The following KLHL17 variants were observed in gnomAD, a reference collection of about 807,000 sequenced individuals.
KLHL17 encodes kelch-like protein 17.
A neutral mutation model predicts 64.6 loss-of-function variants in KLHL17; 71 were observed. That is an observed-to-expected ratio of 1.10 (90% CI 0.91 to 1.34). KLHL17 has a LOEUF of 1.34. Ranked by LOEUF, KLHL17 falls within the 40% of genes most tolerant of loss-of-function variation. The pLI is 0.00. For synonymous variants in KLHL17, 612 were observed against 405.4 expected (o/e 1.51, Z -6.12); for missense variants, 1,140 against 935.0 (o/e 1.22, Z -2.86).
At chr1:961,790 C>T (rs374306425) in intron 3 of KLHL17, 36 bp from the exon 4 acceptor site, 1 of 1,611,434 alleles carries the variant, frequency 6.2e-7, no homozygotes. Context: ...TCCCCCGACC[C>T]TGTGCCTCCC....
At chr1:961,206 C>T (rs1642627925) in intron 1 of KLHL17, 87 bp from the exon 2 acceptor site, 3 of 1,018,276 alleles carry the variant, frequency 2.9e-6, no homozygotes, top group South Asian at 4.8e-5. Flanking sequence ...GGGGCTGGGT[C>T]CCCGCGGGCT....
chr1:962,974 A>T, intron 6 of KLHL17, 57 bp downstream of exon 6: 1 of 1,515,166 alleles, frequency 6.6e-7, no homozygotes, highest in East Asian at 2.4e-5. Context: ...CCACCAGCAC[A>T]AGCCCACCCC....
At chr1:962,498 A>G (rs775020182) in intron 5 of KLHL17, 27 bp downstream of exon 5, 28 of 1,610,208 alleles carry the variant, frequency 1.7e-5, no homozygotes, top group Non-Finnish European at 2.1e-5. Context: ...GGGGGCTCCC[A>G]CAGCATCCAG....
At chr1:962,663 C>T (rs764880326) in intron 5 of KLHL17, 41 bp from the exon 6 acceptor site, 18 of 1,547,948 alleles carry the variant, frequency 1.2e-5, no homozygotes, top group South Asian at 2.4e-5. Context: ...GCCCAGTGTG[C>T]CCGAGGGTCC....
In KLHL17 at chr1:962,666, G is replaced by A. The variant is rs375789802; in HGVS notation, c.829-38G>A. On this transcript the variant is annotated intron_variant, in intron 5 of 11. Transcript: ENST00000338591. Reference sequence around the variant, plus strand: ...CTCAGCCCTGACGCCCAGTGTGCCCGAGGGTCCCGCCTGACCTTGGCGTTC... The same window carrying A: ...CTCAGCCCTGACGCCCAGTGTGCCCAAGGGTCCCGCCTGACCTTGGCGTTC... 2.3e-4 allele frequency: 351 copies of A among 1,551,298 alleles called. 2 individuals are homozygous for A. The highest frequency in any genetic ancestry group is 2.8e-4 in the Non-Finnish European group (324 of 1,152,962).
rs751200941 is a variant in KLHL17 at position 963,422 on chromosome 1, A to C, written c.1273A>C (p.Arg425=). The change falls in exon 8 of 12, where the codon AGG becomes CGG. Residue 425 remains arginine, a synonymous_variant. Transcript: ENST00000338591. The part of the protein sequence containing the change: ...TWQPEVSMGT[R]RSCLGVAALH... Reference sequence around the variant, plus strand: ...GCAGCCGGAGGTGTCCATGGGCACAAGGCGAAGCTGCCTGGGTGTGGCCGC... The same window carrying C: ...GCAGCCGGAGGTGTCCATGGGCACACGGCGAAGCTGCCTGGGTGTGGCCGC... 1.1e-5 allele frequency: 17 copies of C among 1,612,622 alleles called. No individual in the cohort carries two copies. The highest frequency in any genetic ancestry group is 1.2e-5 in the Non-Finnish European group (14 of 1,179,856).
At chr1:962,983 C>T (rs751671902) in intron 6 of KLHL17, 66 bp downstream of exon 6, 12 of 1,512,070 alleles carry the variant, frequency 7.9e-6, no homozygotes, top group Non-Finnish European at 1.1e-5. Flanking sequence ...CAAGCCCACC[C>T]CACCTGTGCC....
In KLHL17 at chr1:961,554, C is replaced by T. The variant is rs750904186; in HGVS notation, c.367+2C>T. 17 of 1,612,568 alleles carry T rather than the reference C, an allele frequency of 1.1e-5. No individual in the cohort carries two copies. Among genetic ancestry groups the T allele is most frequent in the Non-Finnish European group, 1.4e-5 (16 of 1,179,982 alleles). On this transcript the variant is annotated splice_donor_variant, in intron 2 of 11. Coordinates refer to ENST00000338591, the MANE Select transcript of KLHL17 (RefSeq NM_198317.3). LOFTEE classifies it low-confidence loss of function (GC_TO_GT_DONOR). Reference sequence around the variant, plus strand: ...CCTACTTCCACGCCATGTTCACAAGCAAGTACCCGCCTGGGCGGCGCTGGG... The same window carrying T: ...CCTACTTCCACGCCATGTTCACAAGTAAGTACCCGCCTGGGCGGCGCTGGG...
Position 960,618 on chromosome 1 carries a change from G to T in KLHL17, c.-76G>T. 8.3e-7 allele frequency: 1 copy of T among 1,211,178 alleles called. No individual in the cohort carries two copies. The highest frequency in any genetic ancestry group is 2.0e-5 in the South Asian group (1 of 50,798). 75.0% of individuals were successfully genotyped at this position (1,211,178 alleles called of 1,614,324 possible). A position where few individuals can be genotyped will look rare whatever the true frequency, so the allele number is the denominator to read the frequency against. ...CGACACAGAGCGGGCCGCCACCGCC[G>T]AGCAGCCCTCCGGCAGTCTCCGCGT... On this transcript the variant is annotated 5_prime_UTR_variant, in exon 1 of 12. Transcript: ENST00000338591.
rs776019287 is a variant in KLHL17, at chr1:963,425, C to T, written c.1276C>T (p.Arg426Ter). 5.6e-6 allele frequency: 9 copies of T among 1,612,656 alleles called. No individual in the cohort carries two copies. The highest frequency in any genetic ancestry group is 6.8e-6 in the Non-Finnish European group (8 of 1,179,868). ...GCCGGAGGTGTCCATGGGCACAAGGCGAAGCTGCCTGGGTGTGGCCGCCTT... is the reference window on the plus strand; with the variant it reads ...GCCGGAGGTGTCCATGGGCACAAGGTGAAGCTGCCTGGGTGTGGCCGCCTT... ...WQPEVSMGTR[R>*]SCLGVAALHG... is the part of the protein sequence containing the mutation. Residue 426 changes from arginine (R) to a stop codon, truncating the protein, a stop_gained, in exon 8 of 12, where the codon CGA becomes TGA. Coordinates refer to ENST00000338591, the MANE Select transcript of KLHL17 (RefSeq NM_198317.3). LOFTEE classifies it high-confidence loss of function.
rs1642925448 is a variant in KLHL17, at chr1:965,674, C to G, written c.*483C>G. Reference sequence around the variant, plus strand: ...CACACGCGTGCACTGGGACCCCACACAGCAATACGAGTCCAACTTAATAAA... The same window carrying G: ...CACACGCGTGCACTGGGACCCCACAGAGCAATACGAGTCCAACTTAATAAA... On this transcript the variant is annotated 3_prime_UTR_variant, in exon 12 of 12. Transcript: ENST00000338591. The G allele has an allele frequency of 6.1e-6, 1 of 165,276 alleles. No homozygotes were observed. Among genetic ancestry groups the G allele is most frequent in the Non-Finnish European group, 1.3e-5 (1 of 76,892 alleles). 10.2% of individuals were successfully genotyped at this position (165,276 alleles called of 1,614,324 possible).
chr1:964,334 C>T lies in KLHL17; in HGVS notation c.1519-15C>T, dbSNP rs922260000. ...CAGTGGCGGGTCTGCGTCCAGCCCA[C>T]GCCCTCGCCCCCAGGTGAACGTGTG... On this transcript the variant is annotated splice_polypyrimidine_tract_variant and intron_variant, in intron 10 of 11. Transcript: ENST00000338591. The T allele has an allele frequency of 1.2e-5, 18 of 1,551,660 alleles. No homozygotes were observed. The highest frequency in any genetic ancestry group is 2.4e-5 in the East Asian group (1 of 41,168).
chr1:965,416 C>T lies in KLHL17; in HGVS notation c.*225C>T, dbSNP rs1642909920. The T allele has an allele frequency of 1.6e-5, 9 of 558,002 alleles. No individual in the cohort carries two copies. The South Asian group carries it at 2.1e-4, about 13-fold the overall frequency. The allele number at this position is 558,002 out of a possible 1,614,324, so 34.6% of individuals were successfully genotyped here. On this transcript the variant is annotated 3_prime_UTR_variant, in exon 12 of 12. Coordinates refer to ENST00000338591, the MANE Select transcript of KLHL17 (RefSeq NM_198317.3). ...CTGGTCCTCCTGCGTGTCCTCCCCT[C>T]CACTGCCTGCATGGGGGGCGCGGGG...
chr1:961,439 T>C lies in KLHL17; in HGVS notation c.254T>C (p.Met85Thr). The C allele has an allele frequency of 2.5e-6, 4 of 1,612,196 alleles. No homozygotes were observed. Among genetic ancestry groups the C allele is most frequent in the Non-Finnish European group, 3.4e-6 (4 of 1,179,784 alleles). The change falls in exon 2 of 12, where the codon ATG becomes ACG. Residue 85 changes from methionine to threonine, a missense_variant. Met to Thr is a moderately conservative substitution (Grantham distance 81). Transcript: ENST00000338591. ...YHDAFVAMSRMRQRGLLCDIV... is the reference protein window; with the variant it reads ...YHDAFVAMSRTRQRGLLCDIV... ...GATGCCTTCGTGGCCATGAGCCGCA[T>C]GCGCCAGCGCGGCCTCCTGTGCGAC...
chr1:964,712 CCG>C (rs1481646598), intron 11 of KLHL17, among the ~76,000 whole-genome samples, 182 bp downstream of exon 11: 90 of 732 alleles, frequency 0.12, 43 homozygotes, highest in African/African-American at 0.78. Context: ...GGGCGCGGGT[CCG>C]CAGTGGGGAT....
Position 963,140 on chromosome 1 carries a change from CTG to C in KLHL17, c.1077_1078del (p.Cys359Ter), listed in dbSNP as rs1053228960. Reference sequence around the variant, plus strand: ...GGAGCCTGTTTGCCATCCACGGAGACTGTGAGGCCTACGACACGCGCACCGAC... The same window carrying C: ...GGAGCCTGTTTGCCATCCACGGAGACTGAGGCCTACGACACGCGCACCGAC... ...GGSLFAIHGD[C>X]EAYDTRTDRW... On this transcript the variant is annotated frameshift_variant, in exon 7 of 12. Transcript: ENST00000338591. LOFTEE classifies it high-confidence loss of function. 6.2e-7 allele frequency: 1 copy of C among 1,612,080 alleles called. No individual in the cohort carries two copies. Among genetic ancestry groups the C allele is most frequent in the Non-Finnish European group, 8.5e-7 (1 of 1,179,580 alleles).
intron 1 of KLHL17, 200 bp downstream of exon 1, chr1:961,000 G>A (rs1207957893): frequency 7.4e-6 from 2 of 269,178 alleles, no homozygotes; most frequent in Admixed American, 6.5e-5. Context: ...CTGCGGTCCC[G>A]AGAGGGCGGC....
intron 7 of KLHL17, 24 bp from the exon 8 acceptor site, chr1:963,313 C>G (rs368509581): frequency 6.2e-7 from 1 of 1,602,224 alleles, no homozygotes; most frequent in Admixed American, 1.7e-5. Context: ...CCAGTCTTGA[C>G]CTGCAGTGGC....
At chr1:964,552 A>G in intron 11 of KLHL17, 22 bp downstream of exon 11, 3 of 1,386,284 alleles carry the variant, frequency 2.2e-6, no homozygotes, top group African/African-American at 3.8e-5. Flanking sequence ...GGCTGCGGGG[A>G]GGGGGGCGCG....
Sources: allele counts gnomAD v4.1 joint callset (sites outside exome capture counted in the v4.1 genomes callset), GRCh38; gene constraint gnomAD v4.1.1; transcripts MANE v1.5; gene names NCBI Gene and HGNC (gene_info 2026-07-23, HGNC 2026-07-21).